ZNF705G: variants seen among roughly 807,000 people sequenced by gnomAD.
The protein encoded by ZNF705G is zinc finger protein 705G.
A neutral mutation model predicts 19.6 loss-of-function variants in ZNF705G; 23 were observed. The observed-to-expected ratio is 1.17, with a 90% confidence interval of 0.84 to 1.66. The LOEUF is 1.66. Among genes scored for constraint, ZNF705G ranks in the 40% most tolerant of loss-of-function variants. The pLI is 0.00. For missense variants in ZNF705G, 457 were observed against 354.4 expected, an observed-to-expected ratio of 1.29 and a Z score of -2.32; for synonymous variants, 146 against 117.7, an observed-to-expected ratio of 1.24 and a Z score of -1.56.
At chr8:7,385,277 G>T (rs1807676246) in intron 1 of ZNF705G, among the ~76,000 whole-genome samples, 1 of 149,028 alleles carries the variant, frequency 6.7e-6, no homozygotes, top group Non-Finnish European at 1.5e-5. Context: ...TTAGATTTCA[G>T]CATGAATTTT....
intron 2 of ZNF705G, among the ~76,000 whole-genome samples, chr8:7,381,025 C>CAA (rs1563303321): frequency 6.2e-5 from 2 of 32,288 alleles, no homozygotes; most frequent in Non-Finnish European, 9.3e-5. Context: ...CAAACCACCA[C>CAA]CAAAAAAAAA....
chr8:7,384,901 G>A (rs1807661859), intron 1 of ZNF705G, among the ~76,000 whole-genome samples: 1 of 146,326 alleles, frequency 6.8e-6, no homozygotes, highest in African/African-American at 2.8e-5. Flanking sequence ...TTTTATATGA[G>A]ATAGATATTT....
Position 7,356,970 on chromosome 8 carries a change from T to C in ZNF705G, c.*1006A>G, listed in dbSNP as rs1300515457. On this transcript the variant is annotated 3_prime_UTR_variant, in exon 7 of 7. Coordinates refer to ENST00000400156, the MANE Select transcript of ZNF705G (RefSeq NM_001164457.3). ...ATATTTTCTCAAATTTCTGAATTAT[T>C]TTGCTAAAGTATGTGTTAAGAGTTT... is the stretch of plus-strand genomic sequence containing the variant. The C allele has an allele frequency of 1.3e-5, 2 of 149,816 alleles. No individual in the cohort carries two copies. The highest frequency in any genetic ancestry group is 6.6e-5 in the Admixed American group (1 of 15,232). The allele number at this position is 149,816 out of a possible 1,614,324, so 9.3% of individuals were successfully genotyped here.
chr8:7,370,538 T>C, intron 2 of ZNF705G, among the ~76,000 whole-genome samples: 1 of 147,680 alleles, frequency 6.8e-6, no homozygotes, highest in Non-Finnish European at 1.5e-5. Context: ...AGTATGAAGG[T>C]TTCTCAAAAA....
rs1442991300 is a variant in ZNF705G, at chr8:7,356,064, C to A, written c.*1912G>T. On this transcript the variant is annotated 3_prime_UTR_variant, in exon 7 of 7. Transcript: ENST00000400156. ...GTCATCCCACTTAATATTCAGGAAA[C>A]ATTTTCTCTTCAGTTTTAGGTTCAG... is the stretch of plus-strand genomic sequence containing the variant. The A allele has an allele frequency of 6.7e-6, 1 of 149,430 alleles. No homozygotes were observed. Among genetic ancestry groups the A allele is most frequent in the Non-Finnish European group, 1.5e-5 (1 of 68,020 alleles). 9.3% of individuals were successfully genotyped at this position (149,430 alleles called of 1,614,324 possible). A position where few individuals can be genotyped will look rare whatever the true frequency, so the allele number is the denominator to read the frequency against.
chr8:7,365,796 G>A (rs1168404468), intron 2 of ZNF705G, among the ~76,000 whole-genome samples: 3 of 149,574 alleles, frequency 2.0e-5, no homozygotes, highest in Non-Finnish European at 2.9e-5. Context: ...CGGCTATTTA[G>A]ACACAACTTA....
At chr8:7,370,039 G>T (rs1229717613) in intron 2 of ZNF705G, among the ~76,000 whole-genome samples, 2 of 110,940 alleles carry the variant, frequency 1.8e-5, no homozygotes, top group African/African-American at 4.1e-5. Flanking sequence ...TAAAATAAAA[G>T]TTGAATTTTT....
In ZNF705G at chr8:7,374,996, A is replaced by AT. The variant is rs1369930925; in HGVS notation, c.-72+6455dup. Reference sequence around the variant, plus strand: ...TACAAATGAACAATGGTACATCATAATTTTAAAAAGTCTTTTGTAATTTCA... The same window carrying AT: ...TACAAATGAACAATGGTACATCATAATTTTTAAAAAGTCTTTTGTAATTTCA... On this transcript the variant is annotated intron_variant, in intron 2 of 6. Transcript: ENST00000400156. 7.4e-5 allele frequency among the ~76,000 whole-genome samples: 7 copies of AT among 94,656 alleles called. 2 individuals are homozygous for AT. Among genetic ancestry groups the AT allele is most frequent in the South Asian group, 7.1e-4 (2 of 2,818 alleles). The allele number at this position is 94,656 out of a possible 152,430, so 62.1% of individuals were successfully genotyped here.
chr8:7,364,881 A>G (rs1020366471), intron 2 of ZNF705G, among the ~76,000 whole-genome samples: 3 of 149,582 alleles, frequency 2.0e-5, no homozygotes, highest in African/African-American at 7.7e-5. Context: ...TATTCCTTCA[A>G]AAAAATAAGA....
intron 3 of ZNF705G, among the ~76,000 whole-genome samples, chr8:7,362,291 G>A (rs1806638460): frequency 6.7e-6 from 1 of 149,774 alleles, no homozygotes; most frequent in South Asian, 2.1e-4. Context: ...TTACCAAAAG[G>A]TAAAGTGAAT....
rs1390796595 is a variant in ZNF705G, at chr8:7,383,387, C to A, written c.-221-1786G>T. Reference sequence around the variant, plus strand: ...ATTGTTTCTACATCTCTCTTCTTCTCTACACTGTGAGCTTCTAAAGTAACA... The same window carrying A: ...ATTGTTTCTACATCTCTCTTCTTCTATACACTGTGAGCTTCTAAAGTAACA... On this transcript the variant is annotated intron_variant, in intron 1 of 6. Transcript: ENST00000400156. Among the ~76,000 whole-genome samples the A allele has an allele frequency of 4.8e-5, 7 of 146,682 alleles. No individual in the cohort carries two copies. In the East Asian group the frequency reaches 1.4e-3, roughly 28 times the overall value.
chr8:7,362,334 T>C (rs1367367766), intron 3 of ZNF705G, among the ~76,000 whole-genome samples: 1 of 149,816 alleles, frequency 6.7e-6, no homozygotes, highest in Non-Finnish European at 1.5e-5. Flanking sequence ...TCTTTAGTTG[T>C]CCTTTCACAA....
chr8:7,359,811 A>G, intron 5 of ZNF705G, 110 bp from the exon 6 acceptor site: 1 of 1,510,018 alleles, frequency 6.6e-7, no homozygotes, highest in South Asian at 1.2e-5. Context: ...AGATGTGGCA[A>G]GTGTGTCAAA....
intron 2 of ZNF705G, among the ~76,000 whole-genome samples, chr8:7,369,283 A>T (rs1157049338): frequency 1.3e-5 from 2 of 149,468 alleles, no homozygotes; most frequent in Non-Finnish European, 2.9e-5. Flanking sequence ...ATTTCTAAAG[A>T]TGTATGGGAA....
chr8:7,366,040 C>G (rs1319274369), intron 2 of ZNF705G, among the ~76,000 whole-genome samples: 1 of 149,512 alleles, frequency 6.7e-6, no homozygotes, highest in Non-Finnish European at 1.5e-5. Flanking sequence ...GAAACAGCAG[C>G]TGACATTCTA....
chr8:7,377,042 AT>A (rs1336295168), intron 2 of ZNF705G, among the ~76,000 whole-genome samples: 1 of 136,356 alleles, frequency 7.3e-6, no homozygotes, highest in Non-Finnish European at 1.5e-5. Context: ...TGAAACTTGT[AT>A]GCTCTAGAAC....
At chr8:7,359,559 A>C in intron 6 of ZNF705G, 60 bp downstream of exon 6, 2 of 1,599,964 alleles carry the variant, frequency 1.3e-6, no homozygotes, top group Non-Finnish European at 1.7e-6. Context: ...TTCATTACTA[A>C]CTTAATCCAT....
chr8:7,360,981 T>C (rs1205350835), intron 4 of ZNF705G, 129 bp downstream of exon 4: 1 of 1,543,994 alleles, frequency 6.5e-7, no homozygotes, highest in Admixed American at 1.8e-5. Flanking sequence ...GTTCAAACCT[T>C]TTTCAGATGA....
At chr8:7,380,657 AATTGCTGATGCTACACATGCCTCC>A (rs1464650742) in intron 2 of ZNF705G, among the ~76,000 whole-genome samples, 10 of 146,206 alleles carry the variant, frequency 6.8e-5, no homozygotes, top group Middle Eastern at 7.0e-3. Flanking sequence ...TGACTACTGC[AATTGCTGATGCTACACATGCCTCC>A]CAGGGTCTTG....
Sources: gnomAD v4.1 joint callset for allele counts (sites outside exome capture counted in the v4.1 genomes callset) on GRCh38, gnomAD v4.1.1 for gene constraint, MANE v1.5 for transcripts, NCBI Gene and HGNC (gene_info 2026-07-23, HGNC 2026-07-21) for gene names.